IGSF10: variants seen among roughly 807,000 people sequenced by gnomAD.
The protein encoded by IGSF10 is calvaria mechanical force protein 608.
A neutral mutation model predicts 128.2 loss-of-function variants in IGSF10; 126 were observed. The ratio of observed to expected loss-of-function variants is 0.98; its 90% CI spans 0.85 to 1.14. The LOEUF (loss-of-function observed/expected upper bound fraction) is 1.14, where lower values mean the gene tolerates loss of function less well. IGSF10 is among the 50% of genes most tolerant of loss of function. The pLI, the probability that IGSF10 is intolerant of heterozygous loss-of-function variation, is 0.00. For missense variants in IGSF10, 3,295 were observed against 3,149.8 expected, an observed-to-expected ratio of 1.05 and a Z score of -1.10; for synonymous variants, 1,185 against 1,146.2, an observed-to-expected ratio of 1.03 and a Z score of -0.68.
the IGSF10 span, among the ~76,000 whole-genome samples, chr3:151,600,185 C>T: frequency 6.6e-6 from 1 of 151,928 alleles, no homozygotes; most frequent in Non-Finnish European, 1.5e-5. Flanking sequence ...TACTCATTTT[C>T]AGGTAGCTAA....
the IGSF10 span, among the ~76,000 whole-genome samples, chr3:151,556,926 T>TA: frequency 6.6e-6 from 1 of 152,184 alleles, no homozygotes; most frequent in East Asian, 1.9e-4. Flanking sequence ...ATGATCGTTG[T>TA]AAAGTCTTTT....
At chr3:151,572,391 T>G in the IGSF10 span, among the ~76,000 whole-genome samples, 1 of 152,204 alleles carries the variant, frequency 6.6e-6, no homozygotes, top group Non-Finnish European at 1.5e-5. Context: ...ATTGCCTCAT[T>G]TTTAGAGCCT....
chr3:151,442,863 G>A, intron 7 of IGSF10, 121 bp downstream of exon 7: 1 of 716,844 alleles, frequency 1.4e-6, no homozygotes. Flanking sequence ...TTTCCTTTAT[G>A]TCCAAAGTCT....
the IGSF10 span, among the ~76,000 whole-genome samples, chr3:151,494,632 T>C: frequency 6.6e-6 from 1 of 152,172 alleles, no homozygotes; most frequent in Admixed American, 6.6e-5. Flanking sequence ...TGACAATAAC[T>C]GGACCTGATT....
rs1219167323 is a variant in IGSF10 at position 151,448,587 on chromosome 3, A to T, written c.1394T>A (p.Met465Lys). Residue 465 changes from methionine to lysine, a missense_variant, in exon 6 of 8, where the codon ATG (methionine) becomes AAG (lysine). Transcript: ENST00000282466. ...AGTCCATTTGTGTTTCACTGGCCTC[A>T]TCTCTGCTCTTGGTAAAGTGATTTG... The part of the protein sequence containing the change: ...DAQITLPRAE[M>K]RPVKHKWTMI... The T allele has an allele frequency of 7.4e-6, 12 of 1,613,882 alleles. No homozygotes were observed. Among genetic ancestry groups the T allele is most frequent in the Non-Finnish European group, 1.0e-5 (12 of 1,179,930 alleles).
chr3:151,544,456 A>G, the IGSF10 span, among the ~76,000 whole-genome samples: 1 of 152,202 alleles, frequency 6.6e-6, no homozygotes, highest in Non-Finnish European at 1.5e-5. Flanking sequence ...AATGCATGGA[A>G]TGTTTGAAAA....
chr3:151,588,902 C>A, the IGSF10 span, among the ~76,000 whole-genome samples: 1 of 152,080 alleles, frequency 6.6e-6, no homozygotes, highest in Non-Finnish European at 1.5e-5. Context: ...AAAACAAGTA[C>A]AAAAGTAGGA....
the IGSF10 span, among the ~76,000 whole-genome samples, chr3:151,526,842 CT>C: frequency 6.6e-6 from 1 of 152,178 alleles, no homozygotes; most frequent in African/African-American, 2.4e-5. Context: ...TTTCCACCCT[CT>C]GTATCAGGTG....
At chr3:151,579,875 A>AAAGGAAGAAAGG in the IGSF10 span, among the ~76,000 whole-genome samples, 30,514 of 121,426 alleles carry the variant, frequency 0.25, 4,132 homozygotes, top group South Asian at 0.36. Context: ...GGGAGGAAGG[A>AAAGGAAGAAAGG]AAGGAAGGAA....
In IGSF10 at chr3:151,436,887, T is replaced by C. The variant is rs1404206591; in HGVS notation, c.7674A>G (p.Pro2558=). The C allele has an allele frequency of 3.7e-6, 6 of 1,614,182 alleles. No individual in the cohort carries two copies. The Middle Eastern group carries it at 5.0e-4, about 133-fold the overall frequency. ...GGTCAGGCATCTCCCATGTGATTTCTGGCTTGGGAACTCCCAAGGCCACAC... is the reference window on the plus strand; with the variant it reads ...GGTCAGGCATCTCCCATGTGATTTCCGGCTTGGGAACTCCCAAGGCCACAC... The part of the protein sequence containing the change: ...LHCVALGVPK[P]EITWEMPDHS... The change falls in exon 8 of 8, where the codon CCA becomes CCG. Residue 2558 remains proline, a synonymous_variant. Transcript: ENST00000282466.
the IGSF10 span, among the ~76,000 whole-genome samples, chr3:151,617,257 C>CTT: frequency 8.4e-5 from 8 of 95,440 alleles, no homozygotes; most frequent in African/African-American, 2.9e-4. Context: ...TCTTCTTCTC[C>CTT]TTCTCTTCTT....
At chr3:151,523,843 T>C in the IGSF10 span, among the ~76,000 whole-genome samples, 2 of 151,944 alleles carry the variant, frequency 1.3e-5, no homozygotes, top group Non-Finnish European at 2.9e-5. Flanking sequence ...TGAACAGCAA[T>C]GGAAACTATC....
the IGSF10 span, among the ~76,000 whole-genome samples, chr3:151,587,748 T>C: frequency 3.9e-5 from 6 of 152,206 alleles, no homozygotes; most frequent in African/African-American, 1.4e-4. Flanking sequence ...GATTGAATTA[T>C]GGGGGCAGGT....
chr3:151,501,116 A>T, the IGSF10 span, among the ~76,000 whole-genome samples: 20 of 152,128 alleles, frequency 1.3e-4, no homozygotes, highest in Admixed American at 4.6e-4. Flanking sequence ...AAGCGTGTGG[A>T]TAATAAAAAA....
the IGSF10 span, among the ~76,000 whole-genome samples, chr3:151,528,940 G>T: frequency 1.4e-5 from 2 of 147,610 alleles, no homozygotes; most frequent in African/African-American, 2.5e-5. Flanking sequence ...AGCCCAGCAA[G>T]CTAAGATCCA....
the IGSF10 span, among the ~76,000 whole-genome samples, chr3:151,550,306 T>C: frequency 6.6e-6 from 1 of 152,202 alleles, no homozygotes; most frequent in Non-Finnish European, 1.5e-5. Context: ...ACATTTGAAT[T>C]TTTTTACTTG....
the IGSF10 span, among the ~76,000 whole-genome samples, chr3:151,535,120 C>T: frequency 6.6e-6 from 1 of 151,886 alleles, no homozygotes; most frequent in South Asian, 2.1e-4. Flanking sequence ...GAAAATGTAA[C>T]TCAAATGGTA....
At chr3:151,517,339 C>T in the IGSF10 span, among the ~76,000 whole-genome samples, 1 of 151,946 alleles carries the variant, frequency 6.6e-6, no homozygotes, top group African/African-American at 2.4e-5. Flanking sequence ...GACTGTTTAG[C>T]TCATTCTTTG....
chr3:151,463,535 T>TGC (rs56084857), upstream of IGSF10, among the ~76,000 whole-genome samples: 1 of 52,156 alleles, frequency 1.9e-5, no homozygotes, highest in Non-Finnish European at 3.7e-5. Context: ...TTTTTTTTTT[T>TGC]TTTTTTTTTT....
Sources: allele counts gnomAD v4.1 joint callset (sites outside exome capture counted in the v4.1 genomes callset), GRCh38; gene constraint gnomAD v4.1.1; transcripts MANE v1.5; gene names NCBI Gene and HGNC (gene_info 2026-07-23, HGNC 2026-07-21).